Variants in DPY19L2 observed in about 807,000 individuals in gnomAD.
The protein encoded by DPY19L2 is dpy-19 like 2.
DPY19L2 carries 34 observed loss-of-function variants against 97.9 expected under a neutral mutation model. The observed-to-expected ratio is 0.35, with a 90% CI of 0.26 to 0.46. DPY19L2 has a LOEUF of 0.46. Ranked by LOEUF, DPY19L2 falls within the 20% of genes least tolerant of loss-of-function variation. DPY19L2 has a pLI of 1.00. For synonymous variants in DPY19L2, 230 were observed against 307.9 expected (o/e 0.75, Z 2.65); for missense variants, 623 against 911.4 (o/e 0.68, Z 4.07).
intron 6 of DPY19L2, among the ~76,000 whole-genome samples, chr12:63,635,517 G>A (rs1011207105): frequency 6.6e-5 from 10 of 152,030 alleles, no homozygotes; most frequent in Non-Finnish European, 7.4e-5. Context: ...CGAACCCATC[G>A]CAAAGAAGCT....
chr12:63,614,876 ATC>A (rs1406522287), intron 11 of DPY19L2, among the ~76,000 whole-genome samples: 1 of 152,124 alleles, frequency 6.6e-6, no homozygotes, highest in East Asian at 1.9e-4. Flanking sequence ...CCTACTCAGT[ATC>A]AATGAGCATC....
chr12:63,639,555 C>T (rs1383454016), intron 6 of DPY19L2, among the ~76,000 whole-genome samples: 8 of 152,156 alleles, frequency 5.3e-5, no homozygotes, highest in Admixed American at 2.0e-4. Flanking sequence ...TGAACAGACA[C>T]TTCTCAAAAG....
chr12:63,624,119 T>A lies in DPY19L2; in HGVS notation c.874A>T (p.Met292Leu), dbSNP rs1301946242. ...CTTTCACGGAGAGGTGGTGTCCACATCACACGGGTGGCCTGAAATCAACAA... is the reference window on the plus strand; with the variant it reads ...CTTTCACGGAGAGGTGGTGTCCACAACACACGGGTGGCCTGAAATCAACAA... ...FFNHGEATRV[M>L]WTPPLRESFS... is the part of the protein sequence containing the mutation. The change falls in exon 8 of 22, where the codon ATG (methionine) becomes TTG (leucine). Residue 292 changes from methionine (M) to leucine (L), a missense_variant. Met to Leu is a conservative substitution (Grantham distance 15). This residue lies in a region of DPY19L2 where 67 missense variants were observed against 88.0 expected (regional missense o/e 0.76). Coordinates refer to ENST00000324472, the MANE Select transcript of DPY19L2 (RefSeq NM_173812.5). 1 of 1,611,222 alleles carries A rather than the reference T, an allele frequency of 6.2e-7. No homozygotes were observed. Among genetic ancestry groups the A allele is most frequent in the Non-Finnish European group, 8.5e-7 (1 of 1,179,282 alleles).
intron 6 of DPY19L2, among the ~76,000 whole-genome samples, chr12:63,630,350 C>T (rs757788726): frequency 2.4e-4 from 37 of 151,494 alleles, no homozygotes; most frequent in Non-Finnish European, 4.9e-4. Context: ...CACATAGGCT[C>T]AAAATAAAGG....
intron 3 of DPY19L2, among the ~76,000 whole-genome samples, chr12:63,661,808 T>C (rs1395050145): frequency 6.6e-6 from 1 of 152,144 alleles, no homozygotes; most frequent in African/African-American, 2.4e-5. Context: ...TCCCCCACAT[T>C]TGAGATGCTT....
intron 16 of DPY19L2, among the ~76,000 whole-genome samples, chr12:63,593,030 C>T (rs1251407245): frequency 6.6e-6 from 1 of 151,346 alleles, no homozygotes; most frequent in Non-Finnish European, 1.5e-5. Context: ...CCAAAAAACA[C>T]ATGAAAAAAT....
At chr12:63,650,356 T>C (rs956145514) in intron 4 of DPY19L2, among the ~76,000 whole-genome samples, 2 of 152,076 alleles carry the variant, frequency 1.3e-5, no homozygotes, top group Non-Finnish European at 2.9e-5. Context: ...AATAAATCCA[T>C]ATAGGAAGAC....
chr12:63,660,803 A>C lies in DPY19L2; in HGVS notation c.588+541T>G, dbSNP rs537016342. 4 of 152,314 alleles carry C rather than the reference A, an allele frequency of 2.6e-5. 1 individual carries two copies. The South Asian group carries it at 8.3e-4, about 32-fold the overall frequency. 9.4% of individuals were successfully genotyped at this position (152,314 alleles called of 1,614,324 possible). A position where few individuals can be genotyped will look rare whatever the true frequency, so the allele number is the denominator to read the frequency against. On this transcript the variant is annotated intron_variant, in intron 4 of 21. Coordinates refer to ENST00000324472, the MANE Select transcript of DPY19L2 (RefSeq NM_173812.5). ...TACCATGGTGTCAAATTTAGCATTTATCTTGAGTTCACAAACTGAGTTCAC... is the reference window on the plus strand; with the variant it reads ...TACCATGGTGTCAAATTTAGCATTTCTCTTGAGTTCACAAACTGAGTTCAC...
chr12:63,644,294 T>G, intron 6 of DPY19L2, 109 bp downstream of exon 6: 2 of 1,405,668 alleles, frequency 1.4e-6, no homozygotes, highest in Non-Finnish European at 9.4e-7. Context: ...TCCACAAACT[T>G]TCCTGATATG....
chr12:63,568,096 A>C (rs1443271641), intron 21 of DPY19L2, among the ~76,000 whole-genome samples: 1 of 151,952 alleles, frequency 6.6e-6, no homozygotes, highest in Non-Finnish European at 1.5e-5. Context: ...TTTTCATTAC[A>C]TCTAATACTA....
At chr12:63,636,602 AC>A (rs1321427679) in intron 6 of DPY19L2, among the ~76,000 whole-genome samples, 1 of 152,088 alleles carries the variant, frequency 6.6e-6, no homozygotes, top group African/African-American at 2.4e-5. Flanking sequence ...CAAACAGAAA[AC>A]AAAACAAAAC....
chr12:63,635,226 T>G (rs1891438156), intron 6 of DPY19L2, among the ~76,000 whole-genome samples: 1 of 152,108 alleles, frequency 6.6e-6, no homozygotes, highest in Non-Finnish European at 1.5e-5. Flanking sequence ...GGGTCCTGAC[T>G]GTTAGAAGGA....
rs117438826 is a variant in DPY19L2, at chr12:63,559,603, G to A, written c.*909C>T. The A allele has an allele frequency of 4.7e-3, 715 of 152,566 alleles. 6 individuals carry two copies. The highest frequency in any genetic ancestry group is 7.7e-3 in the Non-Finnish European group (527 of 68,016). The allele number at this position is 152,566 out of a possible 1,614,324, so 9.5% of individuals were successfully genotyped here. ...GGCTTAAAAATATATTATTTAAGAA[G>A]ATAGTGGCCAGAAATAAAGACCATG... is the stretch of plus-strand genomic sequence containing the variant. On this transcript the variant is annotated 3_prime_UTR_variant, in exon 22 of 22. Coordinates refer to ENST00000324472, the MANE Select transcript of DPY19L2 (RefSeq NM_173812.5).
intron 6 of DPY19L2, among the ~76,000 whole-genome samples, chr12:63,638,281 C>G (rs1565819549): frequency 6.6e-6 from 1 of 152,112 alleles, no homozygotes; most frequent in Admixed American, 6.6e-5. Context: ...CGGAAGCATT[C>G]CCTTTGAAAA....
intron 6 of DPY19L2, among the ~76,000 whole-genome samples, chr12:63,631,895 C>A (rs1890756386): frequency 6.6e-6 from 1 of 152,112 alleles, no homozygotes; most frequent in African/African-American, 2.4e-5. Context: ...CCCTGGGATG[C>A]AAGGCTAGTT....
chr12:63,639,281 A>C (rs1157013668), intron 6 of DPY19L2, among the ~76,000 whole-genome samples: 2 of 152,186 alleles, frequency 1.3e-5, no homozygotes, highest in African/African-American at 4.8e-5. Flanking sequence ...TTCAGGACAT[A>C]GGCATGGGCA....
At chr12:63,587,083 T>A (rs1372860925) in intron 16 of DPY19L2, among the ~76,000 whole-genome samples, 1 of 151,714 alleles carries the variant, frequency 6.6e-6, no homozygotes, top group East Asian at 1.9e-4. Context: ...AAAAAAAGCA[T>A]AAATACAGGT....
At chr12:63,645,206 A>G (rs1435815802) in intron 5 of DPY19L2, among the ~76,000 whole-genome samples, 1 of 152,152 alleles carries the variant, frequency 6.6e-6, no homozygotes, top group Non-Finnish European at 1.5e-5. Context: ...ACAGAACATA[A>G]GATATTCAAC....
intron 5 of DPY19L2, among the ~76,000 whole-genome samples, 160 bp from the exon 6 acceptor site, chr12:63,644,656 TTGTG>T (rs368753709): frequency 1.3e-5 from 2 of 151,768 alleles, no homozygotes; most frequent in African/African-American, 4.8e-5. Flanking sequence ...TTATAAGAGT[TTGTG>T]TGTGTGTGTG....
Sources: gnomAD v4.1 joint callset for allele counts (sites outside exome capture counted in the v4.1 genomes callset) on GRCh38, gnomAD v4.1.1 for gene constraint, gnomAD v4.1.1 regional missense constraint, MANE v1.5 for transcripts, NCBI Gene and HGNC (gene_info 2026-07-23, HGNC 2026-07-21) for gene names.